MAPKAPK2: variants seen among roughly 807,000 people sequenced by gnomAD.
The protein encoded by MAPKAPK2 is MAPK activated protein kinase 2.
A neutral mutation model predicts 48.8 loss-of-function variants in MAPKAPK2; 9 were observed. The observed-to-expected ratio is 0.18, with a 90% CI of 0.11 to 0.32. The LOEUF is 0.32. MAPKAPK2 is among the 10% of genes least tolerant of loss of function. MAPKAPK2 has a pLI of 1.00. For missense variants in MAPKAPK2, 331 were observed against 498.3 expected (o/e 0.66, Z 3.20); for synonymous variants, 202 against 190.6 (o/e 1.06, Z -0.49).
At chr1:206,729,867 G>T in intron 4 of MAPKAPK2, 105 bp from the exon 5 acceptor site, 6 of 1,436,072 alleles carry the variant, frequency 4.2e-6, no homozygotes, top group South Asian at 1.2e-5. Context: ...ATAGGCAAAT[G>T]GTTGCTGGAT....
chr1:206,718,387 C>A (rs1403594831), intron 1 of MAPKAPK2, among the ~76,000 whole-genome samples: 1 of 152,030 alleles, frequency 6.6e-6, no homozygotes, highest in African/African-American at 2.4e-5. Flanking sequence ...AAAAAATTAG[C>A]CAGGCATGGT....
intron 1 of MAPKAPK2, among the ~76,000 whole-genome samples, chr1:206,686,220 A>G (rs1359060432): frequency 6.6e-6 from 1 of 152,082 alleles, no homozygotes; most frequent in Non-Finnish European, 1.5e-5. Flanking sequence ...CCGGCTGATC[A>G]TTGTGAACAG....
chr1:206,686,699 G>C (rs1672298376), intron 1 of MAPKAPK2, among the ~76,000 whole-genome samples: 1 of 152,202 alleles, frequency 6.6e-6, no homozygotes. Context: ...ATGTGGTATG[G>C]GTGGAACTAT....
chr1:206,700,978 G>A (rs1202074981), intron 1 of MAPKAPK2, among the ~76,000 whole-genome samples: 1 of 152,218 alleles, frequency 6.6e-6, no homozygotes, highest in African/African-American at 2.4e-5. Flanking sequence ...GTCCTTGGGG[G>A]TGAGAGTTTT....
intron 1 of MAPKAPK2, among the ~76,000 whole-genome samples, chr1:206,726,065 A>T (rs78672818): frequency 0.039 from 5,993 of 152,298 alleles, 262 homozygotes; most frequent in African/African-American, 0.1. Context: ...ATGGGAAAGT[A>T]AACTTTTTTC....
intron 1 of MAPKAPK2, among the ~76,000 whole-genome samples, chr1:206,713,356 G>T (rs916883329): frequency 3.9e-5 from 6 of 152,184 alleles, no homozygotes; most frequent in Non-Finnish European, 7.4e-5. Context: ...GTCAGGAAGT[G>T]CATTGTAGCT....
chr1:206,728,209 G>A (rs1673770408), intron 1 of MAPKAPK2, among the ~76,000 whole-genome samples: 1 of 152,162 alleles, frequency 6.6e-6, no homozygotes, highest in African/African-American at 2.4e-5. Context: ...CTGTTGCCAG[G>A]TTGAAGTCAA....
chr1:206,708,692 A>G (rs751451265), intron 1 of MAPKAPK2, among the ~76,000 whole-genome samples: 7 of 152,210 alleles, frequency 4.6e-5, no homozygotes, highest in Non-Finnish European at 8.8e-5. Flanking sequence ...AAATGCCTCT[A>G]TCTGTGCAAC....
At position 206,685,052 on chromosome 1, in the gene MAPKAPK2, G is replaced by A. The variant is rs1371311820; in HGVS notation, c.-178G>A. On this transcript the variant is annotated 5_prime_UTR_variant, in exon 1 of 10. Coordinates refer to ENST00000367103, the MANE Select transcript of MAPKAPK2 (RefSeq NM_032960.4). ...GGGCCGGTGGGAGCCAGCGGCGCGC[G>A]GTGGGACCCACGGAGCCCCGCGACC... 5.9e-6 allele frequency: 1 copy of A among 169,676 alleles called. No individual in the cohort carries two copies. Among genetic ancestry groups the A allele is most frequent in the Non-Finnish European group, 1.2e-5 (1 of 80,944 alleles). 10.5% of individuals were successfully genotyped at this position (169,676 alleles called of 1,614,324 possible). A position where few individuals can be genotyped will look rare whatever the true frequency, so the allele number is the denominator to read the frequency against.
intron 1 of MAPKAPK2, among the ~76,000 whole-genome samples, chr1:206,720,890 TC>T (rs35308749): frequency 2.0e-5 from 3 of 152,196 alleles, no homozygotes; most frequent in Admixed American, 2.0e-4. Flanking sequence ...AATCCACATT[TC>T]CCCATTTAAT....
At chr1:206,710,509 G>A (rs887240526) in intron 1 of MAPKAPK2, among the ~76,000 whole-genome samples, 1 of 152,150 alleles carries the variant, frequency 6.6e-6, no homozygotes, top group African/African-American at 2.4e-5. Flanking sequence ...CAAGCCAAAC[G>A]TAATGGAATT....
At chr1:206,688,617 G>T (rs540641469) in intron 1 of MAPKAPK2, among the ~76,000 whole-genome samples, 161 of 152,236 alleles carry the variant, frequency 1.1e-3, no homozygotes, top group South Asian at 3.7e-3. Context: ...TTTTGTACAA[G>T]AACATGGGAA....
intron 1 of MAPKAPK2, 41 bp from the exon 2 acceptor site, chr1:206,728,669 A>G (rs367961019): frequency 6.3e-7 from 1 of 1,599,194 alleles, no homozygotes; most frequent in African/African-American, 1.3e-5. Context: ...GAGCAGGCCC[A>G]TGTGACAGCG....
intron 1 of MAPKAPK2, among the ~76,000 whole-genome samples, chr1:206,696,495 G>A (rs1235179357): frequency 1.3e-5 from 2 of 152,164 alleles, no homozygotes; most frequent in African/African-American, 4.8e-5. Flanking sequence ...TTGAACTCAG[G>A]AGTTTGATAT....
At chr1:206,700,017 T>G (rs1553427672) in intron 1 of MAPKAPK2, among the ~76,000 whole-genome samples, 1 of 151,116 alleles carries the variant, frequency 6.6e-6, no homozygotes, top group African/African-American at 2.4e-5. Flanking sequence ...TTTTTTTTTT[T>G]TTTTTAAATA....
At chr1:206,728,532 A>G (rs1301478993) in intron 1 of MAPKAPK2, among the ~76,000 whole-genome samples, 178 bp from the exon 2 acceptor site, 1 of 148,704 alleles carries the variant, frequency 6.7e-6, no homozygotes, top group East Asian at 2.1e-4. Context: ...GAGATTTCAT[A>G]TAGAGCAGAT....
At chr1:206,728,117 G>A (rs893013902) in intron 1 of MAPKAPK2, among the ~76,000 whole-genome samples, 6 of 152,182 alleles carry the variant, frequency 3.9e-5, no homozygotes, top group Admixed American at 6.5e-5. Flanking sequence ...AGTGAGGTTC[G>A]ACGAGTTAAG....
At chr1:206,729,836 T>G in intron 4 of MAPKAPK2, 136 bp from the exon 5 acceptor site, 1 of 1,081,390 alleles carries the variant, frequency 9.2e-7, no homozygotes, top group Non-Finnish European at 1.3e-6. Flanking sequence ...CTGCCACTCC[T>G]CGTGGTGGGC....
At chr1:206,697,287 G>A (rs1672661121) in intron 1 of MAPKAPK2, among the ~76,000 whole-genome samples, 1 of 152,196 alleles carries the variant, frequency 6.6e-6, no homozygotes, top group African/African-American at 2.4e-5. Flanking sequence ...CTATCTGCTG[G>A]TCCTGCTCCT....
Sources: gnomAD v4.1 joint callset for allele counts (sites outside exome capture counted in the v4.1 genomes callset) on GRCh38, gnomAD v4.1.1 for gene constraint, MANE v1.5 for transcripts, NCBI Gene and HGNC (gene_info 2026-07-23, HGNC 2026-07-21) for gene names.